STX7: variants seen among roughly 807,000 people sequenced by gnomAD.
STX7 encodes the protein syntaxin-7.
A neutral mutation model predicts 39.6 loss-of-function variants in STX7; 34 were observed. That is an observed-to-expected ratio of 0.86 (90% CI 0.65 to 1.14). STX7 has a LOEUF of 1.14. Among genes scored for constraint, STX7 ranks in the 50% most tolerant of loss-of-function variants. The pLI is 0.00. For missense variants in STX7, 284 were observed against 310.4 expected, an observed-to-expected ratio of 0.92 and a Z score of 0.64; for synonymous variants, 119 against 99.1, an observed-to-expected ratio of 1.20 and a Z score of -1.19.
At chr6:132,470,473 A>C in intron 6 of STX7, 101 bp downstream of exon 6, 1 of 786,490 alleles carries the variant, frequency 1.3e-6, no homozygotes, top group Non-Finnish European at 1.9e-6. Flanking sequence ...TAGGATATTT[A>C]TGATATAATA....
At position 132,456,048 on chromosome 6, in the gene STX7, T is replaced by C. The variant is rs905113230; in HGVS notation, c.*4710A>G. 1 of 152,184 alleles carries C rather than the reference T, an allele frequency of 6.6e-6. No homozygotes were observed. Among genetic ancestry groups the C allele is most frequent in the Non-Finnish European group, 1.5e-5 (1 of 68,026 alleles). The allele number at this position is 152,184 out of a possible 1,614,324, so 9.4% of individuals were successfully genotyped here. ...TTCTGTCTAGTGCTTTGCCCTCTATTTGGGGCAGTAATTCTATACATATCC... is the reference window on the plus strand; with the variant it reads ...TTCTGTCTAGTGCTTTGCCCTCTATCTGGGGCAGTAATTCTATACATATCC... On this transcript the variant is annotated 3_prime_UTR_variant, in exon 10 of 10. Coordinates refer to ENST00000367941, the MANE Select transcript of STX7 (RefSeq NM_003569.3).
At chr6:132,461,183 T>C (rs2114346564) in intron 9 of STX7, among the ~76,000 whole-genome samples, 1 of 152,352 alleles carries the variant, frequency 6.6e-6, no homozygotes, top group East Asian at 1.9e-4. Context: ...AGGTTACCTA[T>C]GAATAAAAAT....
At position 132,458,816 on chromosome 6, in the gene STX7, C is replaced by T. The variant is rs898805392; in HGVS notation, c.*1942G>A. 2 of 152,054 alleles carry T rather than the reference C, an allele frequency of 1.3e-5. No individual in the cohort carries two copies. The highest frequency in any genetic ancestry group is 4.8e-5 in the African/African-American group (2 of 41,388). The allele number at this position is 152,054 out of a possible 1,614,324, so 9.4% of individuals were successfully genotyped here. On this transcript the variant is annotated 3_prime_UTR_variant, in exon 10 of 10. Coordinates refer to ENST00000367941, the MANE Select transcript of STX7 (RefSeq NM_003569.3). Reference sequence around the variant, plus strand: ...AAGCCACTAAAGTTCCTGTTTAAACCACTGATAACTGCCCCAGTTAAAATA... The same window carrying T: ...AAGCCACTAAAGTTCCTGTTTAAACTACTGATAACTGCCCCAGTTAAAATA...
In STX7 at chr6:132,448,377, T is replaced by A. The variant is rs1225479687; in HGVS notation, c.*12381A>T. 6.6e-6 allele frequency: 1 copy of A among 152,216 alleles called. No homozygotes were observed. Among genetic ancestry groups the A allele is most frequent in the Non-Finnish European group, 1.5e-5 (1 of 68,040 alleles). The allele number at this position is 152,216 out of a possible 1,614,324, so 9.4% of individuals were successfully genotyped here. A position where few individuals can be genotyped will look rare whatever the true frequency, so the allele number is the denominator to read the frequency against. On this transcript the variant is annotated 3_prime_UTR_variant, in exon 10 of 10. Transcript: ENST00000367941. ...TCTAAAATTCATCTTTATTCTTAAG[T>A]GAAAGTCCCTTGTTTGTAAATTCTC... is the stretch of plus-strand genomic sequence containing the variant.
At chr6:132,489,200 T>TAA (rs745673648) in intron 2 of STX7, among the ~76,000 whole-genome samples, 2,051 of 83,012 alleles carry the variant, frequency 0.025, 143 homozygotes, top group African/African-American at 0.11. Context: ...GACTCTGTCT[T>TAA]AAAAAAAAAA....
At chr6:132,497,116 A>G (rs1360454997) in intron 2 of STX7, among the ~76,000 whole-genome samples, 4 of 152,192 alleles carry the variant, frequency 2.6e-5, no homozygotes, top group African/African-American at 9.6e-5. Flanking sequence ...AAAAGAACAT[A>G]TAAGAATGTT....
rs879710869 is a variant in STX7, at chr6:132,451,385, C to T, written c.*9373G>A. Reference sequence around the variant, plus strand: ...TGCTGGGCTTACAGGCGTGAGCCACCCCTCTTGGCTGGAAGTGGCAGAACA... The same window carrying T: ...TGCTGGGCTTACAGGCGTGAGCCACTCCTCTTGGCTGGAAGTGGCAGAACA... On this transcript the variant is annotated 3_prime_UTR_variant, in exon 10 of 10. Coordinates refer to ENST00000367941, the MANE Select transcript of STX7 (RefSeq NM_003569.3). The T allele has an allele frequency of 5.9e-5, 9 of 152,096 alleles. No homozygotes were observed. Among genetic ancestry groups the T allele is most frequent in the African/African-American group, 2.2e-4 (9 of 41,378 alleles). The allele number at this position is 152,096 out of a possible 1,614,324, so 9.4% of individuals were successfully genotyped here. A position where few individuals can be genotyped will look rare whatever the true frequency, so the allele number is the denominator to read the frequency against.
intron 3 of STX7, among the ~76,000 whole-genome samples, chr6:132,473,506 T>A (rs1016320336): frequency 1.4e-5 from 2 of 145,892 alleles, no homozygotes; most frequent in African/African-American, 2.5e-5. Context: ...AGTTTTTTTT[T>A]TTATTATTGT....
chr6:132,486,614 T>C (rs1775137862), intron 2 of STX7, among the ~76,000 whole-genome samples: 1 of 152,072 alleles, frequency 6.6e-6, no homozygotes, highest in Non-Finnish European at 1.5e-5. Flanking sequence ...TGTTTAAATT[T>C]TCTGCATTTA....
In STX7 at chr6:132,456,188, T is replaced by C. The variant is rs911184835; in HGVS notation, c.*4570A>G. 6.6e-6 allele frequency: 1 copy of C among 151,944 alleles called. No individual in the cohort carries two copies. The highest frequency in any genetic ancestry group is 1.5e-5 in the Non-Finnish European group (1 of 67,980). The allele number at this position is 151,944 out of a possible 1,614,324, so 9.4% of individuals were successfully genotyped here. ...CACAGATCATCACTCAAATCAGTAG[T>C]TTCTCTTTAGAAAACTAGCAATTTT... On this transcript the variant is annotated 3_prime_UTR_variant, in exon 10 of 10. Transcript: ENST00000367941.
intron 7 of STX7, 144 bp downstream of exon 7, chr6:132,469,807 C>G: frequency 1.7e-6 from 1 of 585,608 alleles, no homozygotes; most frequent in Non-Finnish European, 2.8e-6. Context: ...CCACCGCACT[C>G]CAGCCTGGGT....
chr6:132,460,653 A>C lies in STX7; in HGVS notation c.*105T>G. ...ATAAAAATAACAAAGTATGGGAACC[A>C]TCCTTTATACAATAGCTTTAAAATA... On this transcript the variant is annotated 3_prime_UTR_variant, in exon 10 of 10. Coordinates refer to ENST00000367941, the MANE Select transcript of STX7 (RefSeq NM_003569.3). 1.1e-6 allele frequency: 1 copy of C among 886,944 alleles called. No homozygotes were observed. The highest frequency in any genetic ancestry group is 2.0e-5 in the South Asian group (1 of 51,144). The allele number at this position is 886,944 out of a possible 1,614,324, so 54.9% of individuals were successfully genotyped here. A position where few individuals can be genotyped will look rare whatever the true frequency, so the allele number is the denominator to read the frequency against.
chr6:132,463,085 G>C (rs9493326), intron 9 of STX7, among the ~76,000 whole-genome samples: 24 of 151,918 alleles, frequency 1.6e-4, no homozygotes, highest in African/African-American at 3.1e-4. Context: ...AGCCAGGCGT[G>C]GGGGTACACA....
chr6:132,471,401 C>G (rs1173998626), intron 5 of STX7, 62 bp downstream of exon 5: 4 of 1,540,640 alleles, frequency 2.6e-6, no homozygotes, highest in African/African-American at 2.8e-5. Context: ...CTACTATAGA[C>G]TTTTATGGGA....
rs1774036252 is a variant in STX7 at position 132,447,357 on chromosome 6, T to C, written c.*13401A>G. ...GCAGATTTTCTAAGAAATCTTTCCC[T>C]ATCAGAGGTCCCCAAAACATTCCTT... is the stretch of plus-strand genomic sequence containing the variant. On this transcript the variant is annotated 3_prime_UTR_variant, in exon 10 of 10. Coordinates refer to ENST00000367941, the MANE Select transcript of STX7 (RefSeq NM_003569.3). 6.6e-6 allele frequency: 1 copy of C among 152,200 alleles called. No individual in the cohort carries two copies. Among genetic ancestry groups the C allele is most frequent in the South Asian group, 2.1e-4 (1 of 4,830 alleles). The allele number at this position is 152,200 out of a possible 1,614,324, so 9.4% of individuals were successfully genotyped here.
rs1203971233 is a variant in STX7, at chr6:132,455,039, A to C, written c.*5719T>G. 6.6e-6 allele frequency: 1 copy of C among 152,168 alleles called. No homozygotes were observed. The highest frequency in any genetic ancestry group is 1.9e-4 in the East Asian group (1 of 5,194). 9.4% of individuals were successfully genotyped at this position (152,168 alleles called of 1,614,324 possible). A position where few individuals can be genotyped will look rare whatever the true frequency, so the allele number is the denominator to read the frequency against. On this transcript the variant is annotated 3_prime_UTR_variant, in exon 10 of 10. Transcript: ENST00000367941. Reference sequence around the variant, plus strand: ...CACAGTACCTAGGTTTGAGATAAGAATGAAATAAAATATATTCCCCATTAA... The same window carrying C: ...CACAGTACCTAGGTTTGAGATAAGACTGAAATAAAATATATTCCCCATTAA...
In STX7 at chr6:132,469,965, T is replaced by C. The variant is rs1774671800; in HGVS notation, c.523A>G (p.Ile175Val). The change falls in exon 7 of 10, where the codon ATC (isoleucine) becomes GTC (valine). Residue 175 changes from isoleucine to valine, a missense_variant. Transcript: ENST00000367941. ...LRLIHERESS[I>V]RQLEADIMDI... The stretch of plus-strand genomic sequence containing the variant: ...GTAAGCCTTACTTCAAGTTGCCTGA[T>C]AGAAGATTCTCTCTCATGAATAAGA... 6.9e-6 allele frequency: 11 copies of C among 1,598,494 alleles called. No homozygotes were observed. The highest frequency in any genetic ancestry group is 9.4e-6 in the Non-Finnish European group (11 of 1,174,294).
intron 1 of STX7, among the ~76,000 whole-genome samples, chr6:132,507,497 T>C (rs1775734623): frequency 6.6e-6 from 1 of 152,232 alleles, no homozygotes; most frequent in Non-Finnish European, 1.5e-5. Context: ...CAAAGGTGAC[T>C]ACTAATCTAC....
At chr6:132,499,709 C>G (rs2114464291) in intron 2 of STX7, among the ~76,000 whole-genome samples, 1 of 152,214 alleles carries the variant, frequency 6.6e-6, no homozygotes. Flanking sequence ...TGTTCCAGGC[C>G]TCTTCTCTTT....
Sources: allele counts gnomAD v4.1 joint callset (sites outside exome capture counted in the v4.1 genomes callset), GRCh38; gene constraint gnomAD v4.1.1; transcripts MANE v1.5; gene names NCBI Gene and HGNC (gene_info 2026-07-23, HGNC 2026-07-21).